Variants in MED1 observed in about 807,000 individuals in gnomAD.
MED1 encodes the protein mediator complex subunit 1, also known as mediator of RNA polymerase II transcription subunit 1.
Under a neutral mutation model 121.3 loss-of-function variants are expected in MED1, and 17 were observed. The ratio of observed to expected loss-of-function variants is 0.14; its 90% CI spans 0.10 to 0.21. MED1 has a LOEUF of 0.21. Ranked by LOEUF, MED1 falls within the 10% of genes least tolerant of loss-of-function variation. MED1 has a pLI of 1.00. For missense variants in MED1, 1,558 were observed against 1,919.4 expected, an observed-to-expected ratio of 0.81 and a Z score of 3.52; for synonymous variants, 661 against 694.4, an observed-to-expected ratio of 0.95 and a Z score of 0.76.
At chr17:39,438,041 G>A (rs34363096) in intron 6 of MED1, among the ~76,000 whole-genome samples, 95,482 of 151,498 alleles carry the variant, frequency 0.63, 32,776 homozygotes, top group South Asian at 0.89. Context: ...ACAAAACTCC[G>A]TCTCAAAAAA....
chr17:39,421,664 C>T (rs1159715018), intron 13 of MED1, among the ~76,000 whole-genome samples: 1 of 152,068 alleles, frequency 6.6e-6, no homozygotes, highest in Non-Finnish European at 1.5e-5. Flanking sequence ...GCTGGGATTA[C>T]AGGTGTGAGT....
chr17:39,440,731 AT>A lies in MED1; in HGVS notation c.212-55del. On this transcript the variant is annotated intron_variant, in intron 3 of 16. Transcript: ENST00000300651. The surrounding 1 kb of genome is among the most constrained non-coding windows in gnomAD (Gnocchi z 4.1). ...AAGAATGCTCCAAATGACTTAAATG[AT>A]ATTCTTTTAAGACAGAAAGATTCAT... is the stretch of plus-strand genomic sequence containing the variant. The A allele has an allele frequency of 1.4e-6, 2 of 1,481,112 alleles. No individual in the cohort carries two copies. Among genetic ancestry groups the A allele is most frequent in the African/African-American group, 1.4e-5 (1 of 71,108 alleles). The allele number at this position is 1,481,112 out of a possible 1,614,324, so 91.7% of individuals were successfully genotyped here. A position where few individuals can be genotyped will look rare whatever the true frequency, so the allele number is the denominator to read the frequency against.
At chr17:39,420,877 G>A (rs1421396273) in intron 13 of MED1, among the ~76,000 whole-genome samples, 1 of 142,312 alleles carries the variant, frequency 7.0e-6, no homozygotes, top group Non-Finnish European at 1.5e-5. Flanking sequence ...CTCGCTGCAA[G>A]CTCCACCTCC....
chr17:39,407,925 G>A lies in MED1; in HGVS notation c.4296C>T (p.Gly1432=). Residue 1432 remains glycine (G), a synonymous_variant, in exon 17 of 17, where the codon GGC becomes GGT. Transcript: ENST00000300651. ...GAGTGGAACCACTGATGAGTGGAGA[G>A]CCATAGTTTTTAGAAGAAGCCATTT... ...RPQMASSKNY[G]SPLISGSTPK... The A allele has an allele frequency of 6.2e-7, 1 of 1,614,136 alleles. No individual in the cohort carries two copies. Among genetic ancestry groups the A allele is most frequent in the Non-Finnish European group, 8.5e-7 (1 of 1,180,038 alleles).
chr17:39,438,370 G>T (rs183965395), intron 6 of MED1, among the ~76,000 whole-genome samples: 9 of 130,650 alleles, frequency 6.9e-5, no homozygotes, highest in Non-Finnish European at 9.3e-5. Flanking sequence ...TTGAGACGGC[G>T]TCTTGCTCTG....
chr17:39,440,663 C>G lies in MED1; in HGVS notation c.226G>C (p.Ala76Pro). 6.2e-7 allele frequency: 1 copy of G among 1,613,046 alleles called. No individual in the cohort carries two copies. The highest frequency in any genetic ancestry group is 8.5e-7 in the Non-Finnish European group (1 of 1,179,422). Reference protein sequence around the residue: ...QKALKVTSLPAMTDRLESIAR... With the variant: ...QKALKVTSLPPMTDRLESIAR... ...ATGGACTCCAAACGATCAGTCATTG[C>G]TGGTAAAGATGTTACTATAAAAGGA... is the stretch of plus-strand genomic sequence containing the variant. Residue 76 changes from alanine to proline, a missense_variant, in exon 4 of 17, where the codon GCA (alanine) becomes CCA (proline). This residue lies in a region of MED1 where 443 missense variants were observed against 532.4 expected (regional missense o/e 0.83). Coordinates refer to ENST00000300651, the MANE Select transcript of MED1 (RefSeq NM_004774.4). The surrounding 1 kb of genome is among the most constrained non-coding windows in gnomAD (Gnocchi z 4.1).
At position 39,409,270 on chromosome 17, in the gene MED1, G is replaced by A. The variant is rs146921601; in HGVS notation, c.2951C>T (p.Ser984Leu). The change falls in exon 17 of 17, where the codon TCG becomes TTG. Residue 984 changes from serine (S) to leucine (L), a missense_variant. Ser to Leu is a moderately radical substitution (Grantham distance 145, BLOSUM62 -2). Transcript: ENST00000300651. ...EGNGTSNSTL[S>L]GPGLDSKPGK... The stretch of plus-strand genomic sequence containing the variant: ...TGGTTTGCTGTCTAATCCGGGCCCC[G>A]AGAGAGTACTATTACTGGTGCCATT... 2.7e-5 allele frequency: 44 copies of A among 1,614,098 alleles called. No individual in the cohort carries two copies. The African/African-American group carries it at 4.0e-4, about 15-fold the overall frequency.
At position 39,410,382 on chromosome 17, in the gene MED1, G is replaced by A. The variant is rs372960556; in HGVS notation, c.1839C>T (p.Asn613=). 1.4e-4 allele frequency: 230 copies of A among 1,613,912 alleles called. No homozygotes were observed. Among genetic ancestry groups the A allele is most frequent in the Non-Finnish European group, 1.8e-4 (214 of 1,180,006 alleles). Residue 613 remains asparagine, a synonymous_variant, in exon 17 of 17, where the codon AAC becomes AAT. Transcript: ENST00000300651. ...ILTSLLQITG[N]GGSTIGSSPT... ...GACTCGAGCCAATGGTAGACCCCCC[G>A]TTCCCTGTGATTTGCAACAAACTGG...
rs971655778 is a variant in MED1 at position 39,406,543 on chromosome 17, C to G, written c.*932G>C. 2.0e-5 allele frequency: 20 copies of G among 984,340 alleles called. No individual in the cohort carries two copies. The highest frequency in any genetic ancestry group is 6.2e-5 in the Admixed American group (1 of 16,096). 61.0% of individuals were successfully genotyped at this position (984,340 alleles called of 1,614,324 possible). ...TGCATCTGAAAACATGTTTACATCCCAACAAGCCACCTTAGCTTTTTTTTT... is the reference window on the plus strand; with the variant it reads ...TGCATCTGAAAACATGTTTACATCCGAACAAGCCACCTTAGCTTTTTTTTT... On this transcript the variant is annotated 3_prime_UTR_variant, in exon 17 of 17. Transcript: ENST00000300651.
intron 5 of MED1, among the ~76,000 whole-genome samples, chr17:39,439,537 C>A (rs1335625716): frequency 6.6e-6 from 1 of 152,164 alleles, no homozygotes; most frequent in Non-Finnish European, 1.5e-5. Flanking sequence ...TTTTTCAGAT[C>A]ATCTGTTCTT....
At chr17:39,428,243 G>A (rs2048533290) in intron 9 of MED1, among the ~76,000 whole-genome samples, 1 of 152,076 alleles carries the variant, frequency 6.6e-6, no homozygotes, top group Admixed American at 6.6e-5. Context: ...CCACAACTTT[G>A]GGAGGCCAAG....
intron 12 of MED1, 63 bp from the exon 13 acceptor site, chr17:39,423,508 C>T: frequency 2.8e-6 from 4 of 1,447,506 alleles, no homozygotes; most frequent in South Asian, 1.1e-5. Flanking sequence ...GCTCAGTTTC[C>T]CCTTGATATC....
intron 10 of MED1, among the ~76,000 whole-genome samples, chr17:39,425,104 C>T (rs1465957187): frequency 3.9e-5 from 6 of 152,118 alleles, no homozygotes; most frequent in African/African-American, 1.2e-4. Context: ...TGGTCTCGAT[C>T]TCTTGACTTC....
rs1268079521 is a variant in MED1 at position 39,417,856 on chromosome 17, C to T, written c.1297+1861G>A. On this transcript the variant is annotated intron_variant, in intron 14 of 16. Transcript: ENST00000300651. The stretch of plus-strand genomic sequence containing the variant: ...AGCATTTACGCCGGGTGCCATGGCT[C>T]ACGCCTGTAATCCCAGCACTTTGGG... Among the ~76,000 whole-genome samples, 3 of 151,956 alleles carry T rather than the reference C, an allele frequency of 2.0e-5. No individual in the cohort carries two copies. In the East Asian group the frequency reaches 5.8e-4, roughly 29 times the overall value.
chr17:39,421,499 G>A (rs559763401), intron 13 of MED1, among the ~76,000 whole-genome samples: 78 of 152,142 alleles, frequency 5.1e-4, no homozygotes, highest in Middle Eastern at 3.4e-3. Flanking sequence ...GCAGTGAGCC[G>A]AGATCGCGCC....
intron 7 of MED1, among the ~76,000 whole-genome samples, chr17:39,433,544 T>A (rs1396419644): frequency 6.6e-6 from 1 of 150,854 alleles, no homozygotes; most frequent in Non-Finnish European, 1.5e-5. Flanking sequence ...TATATATATA[T>A]ATACACACAT....
At chr17:39,412,534 T>C (rs1276894725) in intron 16 of MED1, among the ~76,000 whole-genome samples, 1 of 124,388 alleles carries the variant, frequency 8.0e-6, no homozygotes, top group African/African-American at 3.9e-5. Flanking sequence ...CAAATTTTTC[T>C]TTTTTTTTTT....
Position 39,440,747 on chromosome 17 carries a change from G to T in MED1, c.212-70C>A. 2 of 1,396,194 alleles carry T rather than the reference G, an allele frequency of 1.4e-6. No homozygotes were observed. Among genetic ancestry groups the T allele is most frequent in the Non-Finnish European group, 1.0e-6 (1 of 1,000,844 alleles). The allele number at this position is 1,396,194 out of a possible 1,614,324, so 86.5% of individuals were successfully genotyped here. A position where few individuals can be genotyped will look rare whatever the true frequency, so the allele number is the denominator to read the frequency against. The stretch of plus-strand genomic sequence containing the variant: ...ACTTAAATGATATTCTTTTAAGACA[G>T]AAAGATTCATCCTTCCAAAACCGTA... On this transcript the variant is annotated intron_variant, in intron 3 of 16. Coordinates refer to ENST00000300651, the MANE Select transcript of MED1 (RefSeq NM_004774.4). This position sits in a 1 kb window ranked among gnomAD's most constrained non-coding sequence, Gnocchi z 4.1.
At chr17:39,435,803 G>T (rs1030516245) in intron 6 of MED1, among the ~76,000 whole-genome samples, 1 of 151,940 alleles carries the variant, frequency 6.6e-6, no homozygotes, top group Non-Finnish European at 1.5e-5. Context: ...CTGAGTTCAC[G>T]CAATTCTCCA....
Sources: allele counts gnomAD v4.1 joint callset (sites outside exome capture counted in the v4.1 genomes callset), GRCh38; gene constraint gnomAD v4.1.1; regional missense constraint gnomAD v4.1.1; non-coding constraint Gnocchi (gnomAD v3.1); transcripts MANE v1.5; gene names NCBI Gene and HGNC (gene_info 2026-07-23, HGNC 2026-07-21).